STAG1: variants seen among roughly 807,000 people sequenced by gnomAD.
STAG1 encodes the protein STAG1 cohesin complex component, also known as cohesin subunit SA-1.
A neutral mutation model predicts 170.9 loss-of-function variants in STAG1; 26 were observed. The ratio of observed to expected loss-of-function variants is 0.15; its 90% confidence interval spans 0.11 to 0.21. The LOEUF (loss-of-function observed/expected upper bound fraction) is 0.21. Ranked by LOEUF, STAG1 falls within the 10% of genes least tolerant of loss-of-function variation. The pLI, the probability that STAG1 is intolerant of heterozygous loss-of-function variation, is 1.00. For missense variants in STAG1, 964 were observed against 1,509.5 expected, an observed-to-expected ratio of 0.64 and a Z score of 5.99; for synonymous variants, 514 against 497.7, an observed-to-expected ratio of 1.03 and a Z score of -0.44.
chr3:136,673,802 T>C (rs1010008667), intron 1 of STAG1, among the ~76,000 whole-genome samples: 1 of 151,986 alleles, frequency 6.6e-6, no homozygotes, highest in Admixed American at 6.6e-5. Context: ...TAATTGATTA[T>C]AGAAAATATA....
intron 21 of STAG1, among the ~76,000 whole-genome samples, chr3:136,401,626 G>GT (rs970589699): frequency 1.4e-4 from 21 of 151,162 alleles, no homozygotes; most frequent in Non-Finnish European, 2.7e-4. Flanking sequence ...CACCTTTTCA[G>GT]TTTTTTTTTG....
At chr3:136,436,186 C>A (rs1402864629) in intron 15 of STAG1, among the ~76,000 whole-genome samples, 2 of 151,458 alleles carry the variant, frequency 1.3e-5, no homozygotes, top group Admixed American at 1.3e-4. Context: ...AAACTCCTGA[C>A]CTCAAGTGAT....
At chr3:136,731,157 C>G (rs1934016599) in intron 1 of STAG1, among the ~76,000 whole-genome samples, 1 of 152,036 alleles carries the variant, frequency 6.6e-6, no homozygotes, top group Non-Finnish European at 1.5e-5. Flanking sequence ...TTTCAAAACT[C>G]ACATAACAAT....
intron 3 of STAG1, among the ~76,000 whole-genome samples, chr3:136,613,793 AT>A (rs1433964618): frequency 1.3e-5 from 2 of 152,128 alleles, no homozygotes; most frequent in African/African-American, 4.8e-5. Flanking sequence ...CGGCCAATTA[AT>A]TCTTTACATT....
chr3:136,668,696 T>C (rs190466437), intron 1 of STAG1, among the ~76,000 whole-genome samples: 1 of 152,160 alleles, frequency 6.6e-6, no homozygotes, highest in Admixed American at 6.5e-5. Flanking sequence ...AAGCCCCATG[T>C]TGAGCAGAAA....
chr3:136,570,906 G>T (rs2107764539), intron 4 of STAG1, among the ~76,000 whole-genome samples: 1 of 152,330 alleles, frequency 6.6e-6, no homozygotes, highest in East Asian at 1.9e-4. Flanking sequence ...CTAGAAAGAA[G>T]ATTATGGTGG....
chr3:136,386,898 T>G (rs1224249745), intron 22 of STAG1, among the ~76,000 whole-genome samples: 3 of 152,150 alleles, frequency 2.0e-5, no homozygotes, highest in Non-Finnish European at 2.9e-5. Context: ...AGCTCAACAT[T>G]ATCTGACAAA....
In STAG1 at chr3:136,516,514, T is replaced by C. The variant is rs571399060; in HGVS notation, c.676+4699A>G. Among the ~76,000 whole-genome samples the C allele has an allele frequency of 7.9e-5, 12 of 151,918 alleles. No homozygotes were observed. In the South Asian group the frequency reaches 2.1e-3, roughly 26 times the overall value. Reference sequence around the variant, plus strand: ...CAGAGTGAGAATCAGAAAATAAACATACATTAAAAAAAAGCAAAAGAAAAG... The same window carrying C: ...CAGAGTGAGAATCAGAAAATAAACACACATTAAAAAAAAGCAAAAGAAAAG... On this transcript the variant is annotated intron_variant, in intron 7 of 33. Transcript: ENST00000383202.
intron 9 of STAG1, among the ~76,000 whole-genome samples, chr3:136,495,490 A>G (rs1221280434): frequency 6.6e-6 from 1 of 152,178 alleles, no homozygotes; most frequent in Admixed American, 6.5e-5. Flanking sequence ...CAAGAAAATG[A>G]AAAAAAGCTA....
intron 1 of STAG1, among the ~76,000 whole-genome samples, chr3:136,719,271 A>G (rs2107927278): frequency 6.6e-6 from 1 of 152,326 alleles, no homozygotes; most frequent in African/African-American, 2.4e-5. Context: ...AAGAGCATAT[A>G]AATGATTCCA....
intron 12 of STAG1, among the ~76,000 whole-genome samples, chr3:136,470,286 C>G (rs1009746637): frequency 5.9e-5 from 9 of 152,114 alleles, no homozygotes; most frequent in African/African-American, 2.2e-4. Context: ...AACAAATTTA[C>G]AAGAGAAAAA....
chr3:136,516,012 T>C (rs552984575), intron 7 of STAG1, among the ~76,000 whole-genome samples: 2 of 152,066 alleles, frequency 1.3e-5, no homozygotes, highest in South Asian at 4.2e-4. Flanking sequence ...TAGAAGAATT[T>C]TGAAAAATGA....
chr3:136,463,933 T>A, intron 13 of STAG1, among the ~76,000 whole-genome samples: 1 of 148,124 alleles, frequency 6.8e-6, no homozygotes, highest in Middle Eastern at 3.6e-3. Context: ...TTAAAATGAT[T>A]TAAAGAATGA....
intron 1 of STAG1, among the ~76,000 whole-genome samples, chr3:136,751,573 T>C (rs1031348521): frequency 3.9e-5 from 6 of 151,976 alleles, no homozygotes; most frequent in Non-Finnish European, 8.8e-5. Flanking sequence ...AAGCCCAGCA[T>C]TGATGCATCT....
intron 7 of STAG1, among the ~76,000 whole-genome samples, chr3:136,507,328 G>A (rs1405841291): frequency 6.6e-6 from 1 of 152,156 alleles, no homozygotes; most frequent in Non-Finnish European, 1.5e-5. Context: ...AGAGACAGGG[G>A]TGAAAGAATA....
intron 16 of STAG1, among the ~76,000 whole-genome samples, chr3:136,425,686 G>A (rs1576453683): frequency 6.7e-6 from 1 of 148,472 alleles, no homozygotes; most frequent in Non-Finnish European, 1.5e-5. Context: ...ATACGTGTAT[G>A]TGTGTGTATG....
intron 1 of STAG1, among the ~76,000 whole-genome samples, chr3:136,725,040 A>G (rs1262048719): frequency 6.6e-6 from 1 of 152,220 alleles, no homozygotes. Context: ...AAAGTGAACT[A>G]GAAAGGTTCC....
At chr3:136,532,226 T>C (rs1194938718) in intron 6 of STAG1, among the ~76,000 whole-genome samples, 1 of 152,110 alleles carries the variant, frequency 6.6e-6, no homozygotes, top group African/African-American at 2.4e-5. Context: ...CACTAACAAA[T>C]TGCTTGATCA....
At chr3:136,562,076 T>C (rs999783529) in intron 5 of STAG1, among the ~76,000 whole-genome samples, 6 of 152,190 alleles carry the variant, frequency 3.9e-5, no homozygotes, top group African/African-American at 7.2e-5. Flanking sequence ...AACCACAGTA[T>C]AGTACAATGT....
Sources: allele counts gnomAD v4.1 joint callset (sites outside exome capture counted in the v4.1 genomes callset), GRCh38; gene constraint gnomAD v4.1.1; transcripts MANE v1.5; gene names NCBI Gene and HGNC (gene_info 2026-07-23, HGNC 2026-07-21).